The following CYP4B1 variants were observed in gnomAD, a reference collection of about 807,000 sequenced individuals.
CYP4B1 encodes the protein cytochrome P450 4B1.
Under a neutral mutation model 54.0 loss-of-function variants are expected in CYP4B1, and 45 were observed. The ratio of observed to expected loss-of-function variants is 0.83; its 90% CI spans 0.66 to 1.07. CYP4B1 has a LOEUF of 1.07. Among genes scored for constraint, CYP4B1 ranks in the 50% least tolerant of loss-of-function variants. The pLI, the probability that CYP4B1 is intolerant of heterozygous loss-of-function variation, is 0.00. For synonymous variants in CYP4B1, 248 were observed against 247.5 expected, an observed-to-expected ratio of 1.00 and a Z score of -0.02; for missense variants, 656 against 655.4, an observed-to-expected ratio of 1.00 and a Z score of -0.01.
chr1:46,809,887 G>T (rs1433972741), intron 1 of CYP4B1, among the ~76,000 whole-genome samples: 1 of 152,090 alleles, frequency 6.6e-6, no homozygotes, highest in Non-Finnish European at 1.5e-5. Context: ...AAAAATGGCT[G>T]GTTTTGCAAA....
Position 46,813,567 on chromosome 1 carries a change from A to T in CYP4B1, c.581A>T (p.Lys194Met). The T allele has an allele frequency of 6.2e-7, 1 of 1,614,174 alleles. No homozygotes were observed. The highest frequency in any genetic ancestry group is 1.1e-5 in the South Asian group (1 of 91,084). ...CACATGGCGCTGAACACACTCATGA[A>T]GTGCACCTTTGGAAGAGGAGACACC... ...VGHMALNTLM[K>M]CTFGRGDTGL... Residue 194 changes from lysine (K) to methionine (M), a missense_variant, in exon 5 of 12, where the codon AAG becomes ATG. Transcript: ENST00000371923.
intron 1 of CYP4B1, among the ~76,000 whole-genome samples, chr1:46,806,094 C>CTCA (rs1678849323): frequency 6.6e-6 from 1 of 152,170 alleles, no homozygotes; most frequent in Non-Finnish European, 1.5e-5. Flanking sequence ...TAAGACTGTC[C>CTCA]AAAGATGGTT....
intron 1 of CYP4B1, among the ~76,000 whole-genome samples, chr1:46,799,679 G>C (rs1035054244): frequency 7.9e-5 from 12 of 152,202 alleles, no homozygotes; most frequent in Admixed American, 7.2e-4. Context: ...CATTTGTAAG[G>C]CAGGAAATGA....
intron 1 of CYP4B1, among the ~76,000 whole-genome samples, chr1:46,804,767 G>C (rs1456527744): frequency 6.6e-6 from 1 of 152,172 alleles, no homozygotes; most frequent in Non-Finnish European, 1.5e-5. Flanking sequence ...GAGAGGTAGA[G>C]AGGGCAGTTG....
intron 1 of CYP4B1, among the ~76,000 whole-genome samples, chr1:46,800,362 G>T (rs1010755870): frequency 2.9e-5 from 4 of 137,206 alleles, no homozygotes; most frequent in African/African-American, 8.3e-5. Context: ...GGGGAGTTTT[G>T]CTCTCTCTCC....
Position 46,815,270 on chromosome 1 carries a change from T to C in CYP4B1, c.1073+6T>C. ...GACCAGGACTTCTTCCAGTGGTGAGTCTGAGGGTGGGCCCGGTTTATCCTG... is the reference window on the plus strand; with the variant it reads ...GACCAGGACTTCTTCCAGTGGTGAGCCTGAGGGTGGGCCCGGTTTATCCTG... On this transcript the variant is annotated splice_donor_region_variant and intron_variant, in intron 8 of 11. Coordinates refer to ENST00000371923, the MANE Select transcript of CYP4B1 (RefSeq NM_001099772.2). 1 of 1,547,734 alleles carries C rather than the reference T, an allele frequency of 6.5e-7. No homozygotes were observed. The highest frequency in any genetic ancestry group is 1.3e-5 in the South Asian group (1 of 79,590).
chr1:46,814,184 G>A, intron 6 of CYP4B1, 25 bp from the exon 7 acceptor site: 1 of 1,613,180 alleles, frequency 6.2e-7, no homozygotes. Context: ...TTCCCAGGCA[G>A]TGACACTCTG....
In CYP4B1 at chr1:46,818,283, G is replaced by C. The variant is rs1039319486; in HGVS notation, c.1355+70G>C. On this transcript the variant is annotated intron_variant, in intron 11 of 11. Transcript: ENST00000371923. ...GAGGGTGGATGACATCATAGGGGAG[G>C]CACTATTAGAAGGTACTCTGAATAA... 63 of 1,385,676 alleles carry C rather than the reference G, an allele frequency of 4.5e-5. No homozygotes were observed. In the East Asian group the frequency reaches 1.4e-3, roughly 32 times the overall value. 85.8% of individuals were successfully genotyped at this position (1,385,676 alleles called of 1,614,324 possible).
intron 3 of CYP4B1, 73 bp from the exon 4 acceptor site, chr1:46,812,423 G>T (rs186729867): frequency 2.6e-4 from 392 of 1,521,306 alleles, no homozygotes; most frequent in Admixed American, 5.3e-4. Flanking sequence ...GGATGGAGTC[G>T]TGTAGGATGT....
intron 1 of CYP4B1, among the ~76,000 whole-genome samples, chr1:46,800,237 CTT>C (rs1175394186): frequency 5.6e-5 from 2 of 36,022 alleles, no homozygotes; most frequent in Admixed American, 4.0e-4. Context: ...TTCTTTCTTT[CTT>C]TCCTTCCTTC....
intron 1 of CYP4B1, among the ~76,000 whole-genome samples, chr1:46,800,274 C>CTTCTTTCTTTCT (rs1678593410): frequency 1.3e-5 from 1 of 79,698 alleles, no homozygotes; most frequent in Non-Finnish European, 2.7e-5. Flanking sequence ...TCCTTCCTTC[C>CTTCTTTCTTTCT]TTCCTTCCTT....
intron 1 of CYP4B1, among the ~76,000 whole-genome samples, chr1:46,804,267 G>T (rs1036328151): frequency 6.6e-6 from 1 of 152,084 alleles, no homozygotes. Context: ...GCCAGGGAGG[G>T]TGCTGGATTC....
intron 11 of CYP4B1, 123 bp from the exon 12 acceptor site, chr1:46,818,508 C>A (rs551554711): frequency 2.8e-6 from 3 of 1,055,874 alleles, no homozygotes; most frequent in South Asian, 1.5e-5. Context: ...CCCAGGTCAA[C>A]CAATCTATCA....
intron 3 of CYP4B1, 118 bp downstream of exon 3, chr1:46,811,302 C>T (rs1679092621): frequency 9.6e-7 from 1 of 1,044,354 alleles, no homozygotes; most frequent in Non-Finnish European, 1.5e-6. Context: ...CTCGGGTGCC[C>T]ATCCTAAGCT....
chr1:46,813,056 G>A (rs974844831), intron 4 of CYP4B1, among the ~76,000 whole-genome samples: 1 of 152,186 alleles, frequency 6.6e-6, no homozygotes, highest in African/African-American at 2.4e-5. Context: ...ATCTCTAAGA[G>A]GGATGTCAGA....
At position 46,809,181 on chromosome 1, in the gene CYP4B1, A is replaced by AAAAAC. The variant is rs200544294; in HGVS notation, c.181-1607_181-1603dup. Among the ~76,000 whole-genome samples, 777 of 146,666 alleles carry AAAAAC rather than the reference A, an allele frequency of 5.3e-3. 13 individuals carry two copies. In the East Asian group the frequency reaches 0.061, roughly 11 times the overall value. ...TAAACAATATGCAAAATCCTTAAAAAAAAACAAAACAAAACAAAACAAAAA... is the reference window on the plus strand; with the variant it reads ...TAAACAATATGCAAAATCCTTAAAAAAAAACAAAACAAAACAAAACAAAACAAAAA... On this transcript the variant is annotated intron_variant, in intron 1 of 11. Transcript: ENST00000371923.
At position 46,815,233 on chromosome 1, in the gene CYP4B1, G is replaced by A. The variant is rs1440319489; in HGVS notation, c.1042G>A (p.Glu348Lys). Residue 348 changes from glutamate (E) to lysine (K), a missense_variant, in exon 8 of 12, where the codon GAG (glutamate) becomes AAG (lysine). Coordinates refer to ENST00000371923, the MANE Select transcript of CYP4B1 (RefSeq NM_001099772.2). ...GCATCGTTGTAGAGAGGAGGTCCGCGAGATCCTAGGGGACCAGGACTTCTT... is the reference window on the plus strand; with the variant it reads ...GCATCGTTGTAGAGAGGAGGTCCGCAAGATCCTAGGGGACCAGGACTTCTT... ...HQHRCREEVR[E>K]ILGDQDFFQW... The A allele has an allele frequency of 3.8e-6, 6 of 1,582,124 alleles. No individual in the cohort carries two copies. The highest frequency in any genetic ancestry group is 1.3e-5 in the African/African-American group (1 of 74,364).
At chr1:46,806,525 C>G (rs960840672) in intron 1 of CYP4B1, among the ~76,000 whole-genome samples, 4 of 152,192 alleles carry the variant, frequency 2.6e-5, no homozygotes, top group African/African-American at 9.7e-5. Flanking sequence ...CTGGACTGTT[C>G]CCTTTGGTCT....
chr1:46,812,597 T>C lies in CYP4B1; in HGVS notation c.469T>C (p.Phe157Leu). 6.2e-7 allele frequency: 1 copy of C among 1,613,958 alleles called. No homozygotes were observed. The highest frequency in any genetic ancestry group is 8.5e-7 in the Non-Finnish European group (1 of 1,179,936). The change falls in exon 4 of 12, where the codon TTC (phenylalanine) becomes CTC (leucine). Residue 157 changes from phenylalanine to leucine, a missense_variant. Phe to Leu is a conservative substitution (Grantham distance 22). Coordinates refer to ENST00000371923, the MANE Select transcript of CYP4B1 (RefSeq NM_001099772.2). ...YDVLKPYVAVFTESTRIMLDK... is the reference protein window; with the variant it reads ...YDVLKPYVAVLTESTRIMLDK... ...TGTGCTGAAGCCCTATGTGGCCGTG[T>C]TCACTGAGTCTACACGTATCATGCT...
Sources: allele counts gnomAD v4.1 joint callset (sites outside exome capture counted in the v4.1 genomes callset), GRCh38; gene constraint gnomAD v4.1.1; transcripts MANE v1.5; gene names NCBI Gene and HGNC (gene_info 2026-07-23, HGNC 2026-07-21).